Variants in FBXO11 observed in about 807,000 individuals in gnomAD.
The protein encoded by FBXO11 is F-box only protein 11.
In FBXO11, 13 loss-of-function variants were observed where a neutral mutation model predicts 117.0. That is an observed-to-expected ratio of 0.11 (90% confidence interval 0.07 to 0.18). FBXO11 has a LOEUF of 0.18. Ranked by LOEUF, FBXO11 falls within the 10% of genes least tolerant of loss-of-function variation. The pLI is 1.00. For synonymous variants in FBXO11, 490 were observed against 380.5 expected, an observed-to-expected ratio of 1.29 and a Z score of -3.35; for missense variants, 767 against 1,164.4, an observed-to-expected ratio of 0.66 and a Z score of 4.97.
Position 47,838,917 on chromosome 2 carries a change from A to C in FBXO11, c.529T>G (p.Cys177Gly). Residue 177 changes from cysteine to glycine, a missense_variant, in exon 4 of 23, where the codon TGT becomes GGT. By Grantham distance (159) the Cys-to-Gly change is radical (BLOSUM62 -3). Coordinates refer to ENST00000403359, the MANE Select transcript of FBXO11 (RefSeq NM_001190274.2). ...IFSYLLEQDL[C>G]RAACVCKRFS... ...CGTTTACATACACAAGCTGCTCTAC[A>C]AAGATCCTGTTCCAGCAAGTAAGAG... 6.2e-7 allele frequency: 1 copy of C among 1,614,096 alleles called. No homozygotes were observed. Among genetic ancestry groups the C allele is most frequent in the Non-Finnish European group, 8.5e-7 (1 of 1,179,964 alleles).
Position 47,849,453 on chromosome 2 carries a change from A to T in FBXO11, c.233-9684T>A, listed in dbSNP as rs544349137. Among the ~76,000 whole-genome samples the T allele has an allele frequency of 1.4e-4, 22 of 152,342 alleles. No individual in the cohort carries two copies. The South Asian group carries it at 2.7e-3, about 19-fold the overall frequency. ...AGGATCATTATACTTAAAATGACTT[A>T]AAAAATGTGCATTTTCGTTACTTAG... On this transcript the variant is annotated intron_variant, in intron 1 of 22. Coordinates refer to ENST00000403359, the MANE Select transcript of FBXO11 (RefSeq NM_001190274.2).
chr2:47,880,705 T>C (rs137932338), intron 1 of FBXO11, among the ~76,000 whole-genome samples: 2 of 152,364 alleles, frequency 1.3e-5, no homozygotes, highest in East Asian at 3.9e-4. Context: ...TTGTATCCTT[T>C]AAGAAATAAG....
rs1339787508 is a variant in FBXO11 at position 47,838,951 on chromosome 2, T to C, written c.495A>G (p.Leu165=). Residue 165 remains leucine (L), a synonymous_variant, in exon 4 of 23, where the codon CTA becomes CTG. Transcript: ENST00000403359. ...GTTCCAGCAAGTAAGAGAAGATTTTTAGAACCACTTCATCTGGCAGTTTCT... is the reference window on the plus strand; with the variant it reads ...GTTCCAGCAAGTAAGAGAAGATTTTCAGAACCACTTCATCTGGCAGTTTCT... ...LQEKLPDEVV[L]KIFSYLLEQD... is the part of the protein sequence containing the mutation. 1 of 1,614,076 alleles carries C rather than the reference T, an allele frequency of 6.2e-7. No individual in the cohort carries two copies. The highest frequency in any genetic ancestry group is 1.3e-5 in the African/African-American group (1 of 75,054).
intron 4 of FBXO11, among the ~76,000 whole-genome samples, chr2:47,838,172 G>A (rs917970894): frequency 2.0e-5 from 3 of 151,934 alleles, no homozygotes; most frequent in African/African-American, 7.3e-5. Flanking sequence ...GGTTGAGGCT[G>A]CAGTGAGCTA....
chr2:47,830,416 T>C (rs1272712400), intron 11 of FBXO11, among the ~76,000 whole-genome samples: 1 of 152,018 alleles, frequency 6.6e-6, no homozygotes, highest in African/African-American at 2.4e-5. Context: ...TGACAAAACC[T>C]AGCCATACCA....
chr2:47,876,189 C>G (rs551929683), intron 1 of FBXO11, among the ~76,000 whole-genome samples: 2 of 131,272 alleles, frequency 1.5e-5, no homozygotes, highest in South Asian at 4.3e-4. Context: ...GTCAGTGTCT[C>G]TTTTTGTGCT....
chr2:47,841,924 C>A (rs1459037898), intron 1 of FBXO11, among the ~76,000 whole-genome samples: 1 of 151,812 alleles, frequency 6.6e-6, no homozygotes, highest in Non-Finnish European at 1.5e-5. Flanking sequence ...CAGGCGTGAG[C>A]CACTGTGCCC....
chr2:47,865,274 T>C (rs1384346673), intron 1 of FBXO11, among the ~76,000 whole-genome samples: 4 of 152,230 alleles, frequency 2.6e-5, no homozygotes, highest in African/African-American at 9.6e-5. Flanking sequence ...AAAGCTCACA[T>C]TTCTCAGCTG....
At chr2:47,893,640 T>A (rs543745793) in intron 1 of FBXO11, among the ~76,000 whole-genome samples, 1 of 152,364 alleles carries the variant, frequency 6.6e-6, no homozygotes, top group African/African-American at 2.4e-5. Flanking sequence ...GGGCAAGAAC[T>A]ACGTTTGCAT....
intron 12 of FBXO11, among the ~76,000 whole-genome samples, chr2:47,822,933 T>C (rs572940329): frequency 2.6e-5 from 4 of 152,322 alleles, no homozygotes; most frequent in Non-Finnish European, 4.4e-5. Flanking sequence ...ATATGGTTTA[T>C]ATCACTAATA....
At chr2:47,902,692 T>C (rs1315154098) in intron 1 of FBXO11, among the ~76,000 whole-genome samples, 4 of 152,138 alleles carry the variant, frequency 2.6e-5, no homozygotes, top group African/African-American at 9.7e-5. Context: ...TGACAGACTT[T>C]TTGCCTGAAA....
intron 11 of FBXO11, among the ~76,000 whole-genome samples, chr2:47,827,382 C>A (rs1671836284): frequency 6.7e-6 from 1 of 149,576 alleles, no homozygotes. Flanking sequence ...TTTCGGCTCA[C>A]TGCAACCTCT....
At position 47,807,039 on chromosome 2, in the gene FBXO11, A is replaced by AAC; in HGVS notation, c.*1078_*1079insGT. On this transcript the variant is annotated 3_prime_UTR_variant, in exon 23 of 23. Coordinates refer to ENST00000403359, the MANE Select transcript of FBXO11 (RefSeq NM_001190274.2). ...TAATGGTTATTGAATACTCCACAAT[A>AAC]TATTAAGTCTAGATGTTATGGTACA... 1.6e-6 allele frequency: 1 copy of AAC among 618,862 alleles called. No individual in the cohort carries two copies. Among genetic ancestry groups the AAC allele is most frequent in the South Asian group, 1.9e-5 (1 of 51,502 alleles). 38.3% of individuals were successfully genotyped at this position (618,862 alleles called of 1,614,324 possible). A position where few individuals can be genotyped will look rare whatever the true frequency, so the allele number is the denominator to read the frequency against.
intron 11 of FBXO11, among the ~76,000 whole-genome samples, chr2:47,829,420 T>C (rs544991786): frequency 3.0e-4 from 46 of 151,810 alleles, no homozygotes; most frequent in African/African-American, 1.1e-3. Context: ...TATGTATTTC[T>C]AGTAGAGACA....
intron 19 of FBXO11, chr2:47,810,088 T>C: frequency 4.0e-6 from 2 of 503,820 alleles, no homozygotes; most frequent in Non-Finnish European, 7.0e-6. Context: ...CCAATAAATG[T>C]TTCATAATCA....
chr2:47,867,745 C>T (rs1675301670), intron 1 of FBXO11, among the ~76,000 whole-genome samples: 1 of 152,136 alleles, frequency 6.6e-6, no homozygotes, highest in Admixed American at 6.6e-5. Context: ...AACTGACACA[C>T]ATTATCTGCA....
At chr2:47,885,331 C>A (rs762245377) in intron 1 of FBXO11, among the ~76,000 whole-genome samples, 6 of 152,148 alleles carry the variant, frequency 3.9e-5, no homozygotes, top group African/African-American at 9.7e-5. Flanking sequence ...CGGTGGCTCA[C>A]GCCTGTAATC....
At position 47,820,434 on chromosome 2, in the gene FBXO11, T is replaced by C. The variant is rs369982474; in HGVS notation, c.1725A>G (p.Gln575=). ...DIYGNALAGI[Q]IRTNSCPIVR... ...CAATTGGACAACTGTTTGTCCTAATTTGAATTCCTGCTAATGCATTGCCTA... is the reference window on the plus strand; with the variant it reads ...CAATTGGACAACTGTTTGTCCTAATCTGAATTCCTGCTAATGCATTGCCTA... The change falls in exon 14 of 23, where the codon CAA becomes CAG. Residue 575 remains glutamine (Q), a synonymous_variant. Coordinates refer to ENST00000403359, the MANE Select transcript of FBXO11 (RefSeq NM_001190274.2). 14 of 1,613,644 alleles carry C rather than the reference T, an allele frequency of 8.7e-6. No homozygotes were observed. Among genetic ancestry groups the C allele is most frequent in the South Asian group, 2.2e-5 (2 of 91,070 alleles).
At chr2:47,818,214 GA>G (rs1179416168) in intron 16 of FBXO11, among the ~76,000 whole-genome samples, 3 of 152,056 alleles carry the variant, frequency 2.0e-5, no homozygotes, top group African/African-American at 4.8e-5. Flanking sequence ...CATGCTGCTG[GA>G]AAAAAATGGC....
Sources: allele counts gnomAD v4.1 joint callset (sites outside exome capture counted in the v4.1 genomes callset), GRCh38; gene constraint gnomAD v4.1.1; transcripts MANE v1.5; gene names NCBI Gene and HGNC (gene_info 2026-07-23, HGNC 2026-07-21).